DLC1: variants seen among roughly 807,000 people sequenced by gnomAD.
DLC1 encodes rho GTPase-activating protein 7.
A neutral mutation model predicts 140.3 loss-of-function variants in DLC1; 54 were observed. That is an observed-to-expected ratio of 0.38 (90% CI 0.31 to 0.48). The LOEUF (loss-of-function observed/expected upper bound fraction) is 0.48, where lower values mean the gene tolerates loss of function less well. Ranked by LOEUF, DLC1 falls within the 20% of genes least tolerant of loss-of-function variation. The probability of loss-of-function intolerance (pLI) is 0.96; values close to 1 mark genes in which losing one functional copy is unlikely to be tolerated. For missense variants in DLC1, 2,536 were observed against 1,907.0 expected (o/e 1.33, Z -6.14); for synonymous variants, 986 against 728.1 (o/e 1.35, Z -5.70).
chr8:13,493,139 G>A (rs180974972), intron 2 of DLC1, among the ~76,000 whole-genome samples: 1 of 152,144 alleles, frequency 6.6e-6, no homozygotes, highest in African/African-American at 2.4e-5. Flanking sequence ...AAGGGGATTT[G>A]GGAAGCACAA....
rs563314515 is a variant in DLC1 at position 13,486,116 on chromosome 8, A to T, written c.1023+12933T>A. ...TGTAACTTTTAAGTGGACAGAGATC[A>T]CATTTATGATAAAAGTCTATGTTGA... On this transcript the variant is annotated intron_variant, in intron 2 of 17. Coordinates refer to ENST00000276297, the MANE Select transcript of DLC1 (RefSeq NM_182643.3). Among the ~76,000 whole-genome samples the T allele has an allele frequency of 9.2e-5, 14 of 152,358 alleles. No homozygotes were observed. In the South Asian group the frequency reaches 2.3e-3, roughly 25 times the overall value.
At chr8:13,110,947 T>G in intron 6 of DLC1, 124 bp from the exon 7 acceptor site, 1 of 768,236 alleles carries the variant, frequency 1.3e-6, no homozygotes, top group Middle Eastern at 2.4e-4. Flanking sequence ...GTAGGACACC[T>G]CATTCCCCGT....
chr8:13,562,942 A>G (rs1383375563), intron 1 of DLC1, among the ~76,000 whole-genome samples: 2 of 152,110 alleles, frequency 1.3e-5, no homozygotes, highest in Non-Finnish European at 2.9e-5. Flanking sequence ...CAATGTGTAG[A>G]GTATGTCAAT....
At chr8:13,144,082 G>T (rs562373837) in intron 5 of DLC1, among the ~76,000 whole-genome samples, 1 of 152,126 alleles carries the variant, frequency 6.6e-6, no homozygotes, top group Non-Finnish European at 1.5e-5. Context: ...CTTTATGAGG[G>T]TGGTTCTGAA....
chr8:13,120,356 A>AAAAAATATATATATATATAT, intron 5 of DLC1, among the ~76,000 whole-genome samples: 8 of 61,128 alleles, frequency 1.3e-4, no homozygotes, highest in Admixed American at 2.7e-4. Flanking sequence ...AAAAAAAAAA[A>AAAAAATATATATATATATAT]ATATATATAT....
At chr8:13,363,783 T>C (rs914590853) in intron 4 of DLC1, among the ~76,000 whole-genome samples, 9 of 152,210 alleles carry the variant, frequency 5.9e-5, no homozygotes, top group Non-Finnish European at 8.8e-5. Flanking sequence ...TTCTCAGTAT[T>C]TGGTGATTGC....
chr8:13,387,343 C>G (rs867123272), intron 4 of DLC1, among the ~76,000 whole-genome samples: 10 of 152,062 alleles, frequency 6.6e-5, no homozygotes, highest in African/African-American at 2.2e-4. Context: ...AATCACCAGT[C>G]TTCTTAAAAA....
At chr8:13,515,017 T>G (rs1434385837), upstream of DLC1, 1 of 187,306 alleles carries the variant, frequency 5.3e-6, no homozygotes, top group Non-Finnish European at 1.1e-5. Context: ...AGAACTCAAG[T>G]GAGTTTTGTC....
chr8:13,252,675 C>T (rs1012691586), intron 5 of DLC1, among the ~76,000 whole-genome samples: 1 of 152,036 alleles, frequency 6.6e-6, no homozygotes, highest in African/African-American at 2.4e-5. Flanking sequence ...GGATATATAA[C>T]CTGGAGTTTA....
At chr8:13,585,738 C>G (rs1364761798) in intron 1 of DLC1, among the ~76,000 whole-genome samples, 1 of 152,054 alleles carries the variant, frequency 6.6e-6, no homozygotes, top group Non-Finnish European at 1.5e-5. Context: ...GGAACATCAC[C>G]CTGATTTCTT....
At chr8:13,498,595 T>C (rs559909281) in intron 2 of DLC1, among the ~76,000 whole-genome samples, 1 of 152,208 alleles carries the variant, frequency 6.6e-6, no homozygotes, top group Non-Finnish European at 1.5e-5. Flanking sequence ...ATTTTAAATA[T>C]GTGATTTATA....
chr8:13,200,308 C>T (rs962405576), intron 5 of DLC1, among the ~76,000 whole-genome samples: 42 of 152,064 alleles, frequency 2.8e-4, no homozygotes, highest in African/African-American at 9.4e-4. Context: ...ATGATCTGCC[C>T]GCCTCGGCCT....
intron 3 of DLC1, among the ~76,000 whole-genome samples, chr8:13,400,971 G>A (rs1003214877): frequency 6.6e-6 from 1 of 152,156 alleles, no homozygotes; most frequent in Admixed American, 6.5e-5. Context: ...ATTTCACTAA[G>A]TGAATTTTAG....
chr8:13,123,268 T>C (rs1442930759), intron 5 of DLC1, among the ~76,000 whole-genome samples: 1 of 152,130 alleles, frequency 6.6e-6, no homozygotes, highest in Non-Finnish European at 1.5e-5. Context: ...GGACCCTGCC[T>C]GCCTCTGACT....
intron 2 of DLC1, among the ~76,000 whole-genome samples, chr8:13,490,302 C>T (rs1481680): frequency 0.86 from 130,946 of 152,234 alleles, 57,039 homozygotes; most frequent in Non-Finnish European, 0.94. Context: ...TATGTCAATA[C>T]AGAACTAGAA....
chr8:13,268,539 C>T (rs886175729), intron 5 of DLC1, among the ~76,000 whole-genome samples: 26 of 152,218 alleles, frequency 1.7e-4, no homozygotes, highest in African/African-American at 5.3e-4. Context: ...TGCATGCCAC[C>T]GTAGCTGCCT....
Position 13,120,350 on chromosome 8 carries a change from A to ATAT in DLC1, c.1349-4694_1349-4693insATA, listed in dbSNP as rs1164218408. 0.022 allele frequency among the ~76,000 whole-genome samples: 340 copies of ATAT among 15,144 alleles called. 11 individuals are homozygous for ATAT. In the South Asian group the frequency reaches 0.24, roughly 11 times the overall value. The allele number at this position is 15,144 out of a possible 152,430, so 9.9% of individuals were successfully genotyped here. On this transcript the variant is annotated intron_variant, in intron 5 of 17. Coordinates refer to ENST00000276297, the MANE Select transcript of DLC1 (RefSeq NM_182643.3). ...AGAAAGAGACTCCGTCGCAAAAAAA[A>ATAT]AAAAAAATATATATATATATAAAAT...
chr8:13,219,300 ATTCTTAAATATGAATAGTT>A, intron 5 of DLC1, among the ~76,000 whole-genome samples: 1 of 140,828 alleles, frequency 7.1e-6, no homozygotes, highest in Admixed American at 7.3e-5. Context: ...ATATAGTTAT[ATTCTTAAATATGAATAGTT>A]ATATTCATAT....
At chr8:13,347,279 C>G (rs1166663317) in intron 4 of DLC1, among the ~76,000 whole-genome samples, 1 of 152,184 alleles carries the variant, frequency 6.6e-6, no homozygotes, top group African/African-American at 2.4e-5. Flanking sequence ...ATATCTCTAT[C>G]TTGCTTTTTG....
Sources: allele counts gnomAD v4.1 joint callset (sites outside exome capture counted in the v4.1 genomes callset), GRCh38; gene constraint gnomAD v4.1.1; transcripts MANE v1.5; gene names NCBI Gene and HGNC (gene_info 2026-07-23, HGNC 2026-07-21).